LINGO2: variants seen among roughly 807,000 people sequenced by gnomAD.
LINGO2 encodes leucine-rich repeat and immunoglobulin-like domain-containing nogo receptor-interacting protein 2.
LINGO2 carries 14 observed loss-of-function variants against 30.6 expected under a neutral mutation model. That is an observed-to-expected ratio of 0.46 (90% CI 0.30 to 0.72). LINGO2 has a LOEUF of 0.72. Among genes scored for constraint, LINGO2 ranks in the 30% least tolerant of loss-of-function variants. The pLI, the probability that LINGO2 is intolerant of heterozygous loss-of-function variation, is 0.07. For synonymous variants in LINGO2, 317 were observed against 288.5 expected (o/e 1.10, Z -1.00); for missense variants, 729 against 751.7 (o/e 0.97, Z 0.35).
At chr9:29,204,979 C>G in the LINGO2 span, among the ~76,000 whole-genome samples, 1 of 152,286 alleles carries the variant, frequency 6.6e-6, no homozygotes, top group Middle Eastern at 3.4e-3. Flanking sequence ...CCTTCTATTC[C>G]TAACTTGCTA....
chr9:29,094,430 T>C, the LINGO2 span, among the ~76,000 whole-genome samples: 5 of 139,050 alleles, frequency 3.6e-5, 1 homozygote, highest in African/African-American at 1.3e-4. Context: ...AAATGTAATA[T>C]TGGAAATAAC....
At chr9:28,949,307 T>C in the LINGO2 span, among the ~76,000 whole-genome samples, 3 of 151,928 alleles carry the variant, frequency 2.0e-5, no homozygotes, top group Non-Finnish European at 2.9e-5. Flanking sequence ...CAAAAATCAA[T>C]AAATCCAGGA....
At chr9:28,376,820 G>A (rs1434265155) in intron 2 of LINGO2, among the ~76,000 whole-genome samples, 1 of 152,032 alleles carries the variant, frequency 6.6e-6, no homozygotes, top group African/African-American at 2.4e-5. Flanking sequence ...GATATGTCAG[G>A]CTCTGAAATC....
chr9:29,081,167 A>T, the LINGO2 span, among the ~76,000 whole-genome samples: 29,822 of 151,878 alleles, frequency 0.2, 3,014 homozygotes, highest in African/African-American at 0.24. Flanking sequence ...CATCGATGCA[A>T]AAATCCTCAA....
Position 28,176,060 on chromosome 9 carries a change from C to A in LINGO2, c.-87+119148G>T, listed in dbSNP as rs185159824. 4.9e-4 allele frequency among the ~76,000 whole-genome samples: 75 copies of A among 152,306 alleles called. 1 individual carries two copies. The highest frequency in any genetic ancestry group is 1.7e-3 in the African/African-American group (72 of 41,578). On this transcript the variant is annotated intron_variant, in intron 4 of 5. Transcript: ENST00000379992. The stretch of plus-strand genomic sequence containing the variant: ...TGTTGCTCCCTGCTGAAAATATTTT[C>A]ATGACTTTCCATAGTATTTAGGATA...
chr9:28,862,966 T>C, the LINGO2 span, among the ~76,000 whole-genome samples: 1 of 152,126 alleles, frequency 6.6e-6, no homozygotes, highest in Non-Finnish European at 1.5e-5. Flanking sequence ...AATTAGGCTT[T>C]TGTGACCTTG....
intron 4 of LINGO2, among the ~76,000 whole-genome samples, chr9:28,149,540 C>T (rs1827927149): frequency 6.6e-6 from 1 of 151,296 alleles, no homozygotes; most frequent in Non-Finnish European, 1.5e-5. Context: ...AGCGCCTCTG[C>T]CCGGGCCCTG....
At chr9:28,070,378 C>T (rs902604885) in intron 4 of LINGO2, among the ~76,000 whole-genome samples, 6 of 152,112 alleles carry the variant, frequency 3.9e-5, no homozygotes, top group African/African-American at 7.2e-5. Context: ...TTAAAACTTA[C>T]ACATAGCCAC....
chr9:28,846,099 T>G, the LINGO2 span, among the ~76,000 whole-genome samples: 1 of 151,676 alleles, frequency 6.6e-6, no homozygotes, highest in African/African-American at 2.4e-5. Context: ...TAAGACATAG[T>G]CAGAAGCTCA....
At chr9:28,957,131 G>T in the LINGO2 span, among the ~76,000 whole-genome samples, 1 of 152,036 alleles carries the variant, frequency 6.6e-6, no homozygotes, top group Admixed American at 6.5e-5. Flanking sequence ...GGGCCATGGA[G>T]AATAGCCTAT....
chr9:28,398,589 T>C (rs1039491164), intron 2 of LINGO2, among the ~76,000 whole-genome samples: 4 of 152,028 alleles, frequency 2.6e-5, no homozygotes, highest in African/African-American at 9.7e-5. Context: ...TTTTTGAATA[T>C]GCAGTTGGGG....
At chr9:28,552,910 G>C (rs1822384504) in intron 1 of LINGO2, among the ~76,000 whole-genome samples, 1 of 147,066 alleles carries the variant, frequency 6.8e-6, no homozygotes, top group Admixed American at 6.8e-5. Flanking sequence ...CTGTGTTCTT[G>C]TTTTCGAGAT....
intron 5 of LINGO2, among the ~76,000 whole-genome samples, chr9:27,989,075 G>A (rs569767641): frequency 1.1e-4 from 16 of 151,882 alleles, no homozygotes; most frequent in Admixed American, 2.0e-4. Flanking sequence ...CAGTCAGTTC[G>A]CCCAGCTTTG....
intron 2 of LINGO2, among the ~76,000 whole-genome samples, chr9:28,453,473 A>G (rs977085459): frequency 5.3e-5 from 8 of 151,950 alleles, no homozygotes; most frequent in African/African-American, 1.9e-4. Flanking sequence ...AGTCTTTCAA[A>G]TTGTGAAATA....
chr9:28,454,609 A>G (rs1824775564), intron 2 of LINGO2, among the ~76,000 whole-genome samples: 1 of 151,972 alleles, frequency 6.6e-6, no homozygotes, highest in South Asian at 2.1e-4. Context: ...CAATGTACAT[A>G]TATATTCTGT....
the LINGO2 span, among the ~76,000 whole-genome samples, chr9:28,843,998 C>A: frequency 4.0e-5 from 6 of 151,758 alleles, no homozygotes; most frequent in Non-Finnish European, 8.8e-5. Context: ...GATAAAATAT[C>A]AGTGAATTCT....
intron 2 of LINGO2, among the ~76,000 whole-genome samples, chr9:28,429,497 A>G (rs1564193534): frequency 6.6e-6 from 1 of 152,164 alleles, no homozygotes; most frequent in Non-Finnish European, 1.5e-5. Flanking sequence ...ACTCTTTAAC[A>G]TCTAGGAGAG....
intron 3 of LINGO2, among the ~76,000 whole-genome samples, chr9:28,311,837 C>T (rs1186593600): frequency 6.6e-6 from 1 of 152,038 alleles, no homozygotes; most frequent in African/African-American, 2.4e-5. Flanking sequence ...GAGATTAAAC[C>T]AAAGACAGGC....
chr9:29,012,030 T>C, the LINGO2 span, among the ~76,000 whole-genome samples: 1 of 152,118 alleles, frequency 6.6e-6, no homozygotes, highest in Non-Finnish European at 1.5e-5. Flanking sequence ...GATAAGAACT[T>C]TGATTGCATA....
Sources: allele counts gnomAD v4.1 joint callset (sites outside exome capture counted in the v4.1 genomes callset), GRCh38; gene constraint gnomAD v4.1.1; transcripts MANE v1.5; gene names NCBI Gene and HGNC (gene_info 2026-07-23, HGNC 2026-07-21).